Variants in RYR1 observed in about 807,000 individuals in gnomAD.
The protein encoded by RYR1 is central core disease of muscle.
A neutral mutation model predicts 583.5 loss-of-function variants in RYR1; 342 were observed. The observed-to-expected ratio is 0.59, with a 90% CI of 0.54 to 0.64. The LOEUF is 0.64. Ranked by LOEUF, RYR1 falls within the 30% of genes least tolerant of loss-of-function variation. The pLI is 0.00. For synonymous variants in RYR1, 2,791 were observed against 2,822.5 expected, an observed-to-expected ratio of 0.99 and a Z score of 0.35; for missense variants, 6,032 against 6,917.2, an observed-to-expected ratio of 0.87 and a Z score of 4.54.
intron 79 of RYR1, 113 bp downstream of exon 79, chr19:38,534,932 G>A: frequency 8.1e-7 from 1 of 1,236,496 alleles, no homozygotes; most frequent in Non-Finnish European, 1.2e-6. Flanking sequence ...CCTGTGGTTT[G>A]CACGCACACC....
chr19:38,502,273 G>A (rs1215865140), intron 47 of RYR1, among the ~76,000 whole-genome samples: 1 of 151,932 alleles, frequency 6.6e-6, no homozygotes, highest in Non-Finnish European at 1.5e-5. Flanking sequence ...TAATCTCATC[G>A]ACCAGTTGTG....
Position 38,535,925 on chromosome 19 carries a change from C to G in RYR1, c.11517-72C>G, listed in dbSNP as rs1340127863. ...CTCTCCAGGCTACCATGGTGGGGAGCTGCCAGGCCCTGGGAGAGAGGAGGG... is the reference window on the plus strand; with the variant it reads ...CTCTCCAGGCTACCATGGTGGGGAGGTGCCAGGCCCTGGGAGAGAGGAGGG... On this transcript the variant is annotated intron_variant, in intron 81 of 105. Transcript: ENST00000359596. 1.2e-5 allele frequency: 16 copies of G among 1,387,606 alleles called. No homozygotes were observed. In the African/African-American group the frequency reaches 1.8e-4, roughly 16 times the overall value. The allele number at this position is 1,387,606 out of a possible 1,614,324, so 86.0% of individuals were successfully genotyped here.
Position 38,517,563 on chromosome 19 carries a change from C to A in RYR1, c.9890C>A (p.Pro3297His). 1 of 1,613,834 alleles carries A rather than the reference C, an allele frequency of 6.2e-7. No individual in the cohort carries two copies. The highest frequency in any genetic ancestry group is 8.5e-7 in the Non-Finnish European group (1 of 1,179,856). Residue 3297 changes from proline to histidine, a missense_variant, in exon 66 of 106, where the codon CCC (proline) becomes CAC (histidine). Physicochemically the swap from Pro to His is moderately conservative, Grantham distance 77 (BLOSUM62 -2). Transcript: ENST00000359596. ...RGPEAPPSAL[P>H]AGAPPPCTAV... ...CCCGAGGCACCCCCTTCCGCCCTGC[C>A]CGCCGGCGCCCCCCCACCCTGCACA...
chr19:38,488,017 T>C (rs1338939139), intron 34 of RYR1, among the ~76,000 whole-genome samples: 1 of 152,102 alleles, frequency 6.6e-6, no homozygotes, highest in African/African-American at 2.4e-5. Flanking sequence ...AGTGGTATGA[T>C]TGTAGCCCAC....
chr19:38,574,789 T>C (rs1973881692), intron 96 of RYR1, among the ~76,000 whole-genome samples: 1 of 151,790 alleles, frequency 6.6e-6, no homozygotes, highest in Non-Finnish European at 1.5e-5. Context: ...TAATCAATCC[T>C]AGCACTTTGG....
In RYR1 at chr19:38,565,579, C is replaced by T. The variant is rs1973374458; in HGVS notation, c.13245C>T (p.Ala4415=). Residue 4415 remains alanine (A), a synonymous_variant, in exon 91 of 106, where the codon GCC becomes GCT. Coordinates refer to ENST00000359596, the MANE Select transcript of RYR1 (RefSeq NM_000540.3). The surrounding 1 kb of genome is among the most constrained non-coding windows in gnomAD (Gnocchi z 4.7). ...GEGASEGAGD[A]AEGAGDEEEA... ...GTGCCAGCGAGGGCGCTGGAGACGC[C>T]GCGGAGGGCGCTGGAGACGAGGAGG... is the stretch of plus-strand genomic sequence containing the variant. 4 of 1,467,988 alleles carry T rather than the reference C, an allele frequency of 2.7e-6. No homozygotes were observed. The highest frequency in any genetic ancestry group is 2.9e-5 in the East Asian group (1 of 34,188). The allele number at this position is 1,467,988 out of a possible 1,614,324, so 90.9% of individuals were successfully genotyped here.
Position 38,457,419 on chromosome 19 carries a change from T to C in RYR1, c.1792-78T>C, listed in dbSNP as rs1309155305. 5.0e-6 allele frequency: 8 copies of C among 1,608,142 alleles called. No individual in the cohort carries two copies. The Admixed American group carries it at 5.0e-5, about 10-fold the overall frequency. ...CGATGCGCTGTCCTTTCCTCCTGGCTTCCCTCCCTCCCAGGGTTCTTCTGT... is the reference window on the plus strand; with the variant it reads ...CGATGCGCTGTCCTTTCCTCCTGGCCTCCCTCCCTCCCAGGGTTCTTCTGT... On this transcript the variant is annotated intron_variant, in intron 16 of 105. Coordinates refer to ENST00000359596, the MANE Select transcript of RYR1 (RefSeq NM_000540.3).
chr19:38,551,025 CTTTTTTTTTTTTTTTTTTTTTTTTTTT>C (rs71165560), intron 89 of RYR1, among the ~76,000 whole-genome samples: 4 of 41,358 alleles, frequency 9.7e-5, no homozygotes, highest in East Asian at 8.4e-4. Context: ...GGATTCACGG[CTTTTTTTTTTTTTTTTTTTTTTTTTTT>C]TTTTTTTTTT....
Position 38,508,618 on chromosome 19 carries a change from G to A in RYR1, c.8932+791G>A, listed in dbSNP as rs1970588088. Among the ~76,000 whole-genome samples, 5 of 152,296 alleles carry A rather than the reference G, an allele frequency of 3.3e-5. No individual in the cohort carries two copies. In the South Asian group the frequency reaches 8.3e-4, roughly 25 times the overall value. Reference sequence around the variant, plus strand: ...GAGAGGAGCTGTGTGGACCTCTGGGGGCATCTGTTCCTTGCAGGCAAAGGA... The same window carrying A: ...GAGAGGAGCTGTGTGGACCTCTGGGAGCATCTGTTCCTTGCAGGCAAAGGA... On this transcript the variant is annotated intron_variant, in intron 58 of 105. Coordinates refer to ENST00000359596, the MANE Select transcript of RYR1 (RefSeq NM_000540.3).
chr19:38,457,963 G>C, intron 17 of RYR1, 88 bp from the exon 18 acceptor site: 1 of 1,345,280 alleles, frequency 7.4e-7, no homozygotes, highest in Non-Finnish European at 1.1e-6. Flanking sequence ...CTCTGTCTTT[G>C]GATGTCTGTC....
intron 91 of RYR1, 84 bp from the exon 92 acceptor site, chr19:38,566,827 G>A: frequency 3.2e-6 from 5 of 1,552,328 alleles, no homozygotes; most frequent in Non-Finnish European, 4.4e-6. Context: ...GGAAATAAGA[G>A]AGAAAGGAGA....
chr19:38,560,226 A>T (rs1290329669), intron 89 of RYR1, among the ~76,000 whole-genome samples: 1 of 152,122 alleles, frequency 6.6e-6, no homozygotes, highest in Non-Finnish European at 1.5e-5. Flanking sequence ...CACCAGGCAC[A>T]GTGGCATGCA....
chr19:38,563,376 T>C (rs767959471), intron 90 of RYR1, among the ~76,000 whole-genome samples: 3 of 152,236 alleles, frequency 2.0e-5, no homozygotes, highest in Non-Finnish European at 2.9e-5. Flanking sequence ...GCGGTTTTCC[T>C]GTCTCAGCCT....
intron 83 of RYR1, chr19:38,537,240 T>G (rs1231455291): frequency 4.4e-6 from 1 of 225,110 alleles, no homozygotes; most frequent in African/African-American, 2.4e-5. Flanking sequence ...CTGCCTCCTC[T>G]GCGCCTGCCT....
chr19:38,464,278 G>GAAAAAAAAA (rs547288253), intron 22 of RYR1, among the ~76,000 whole-genome samples: 10 of 64,244 alleles, frequency 1.6e-4, no homozygotes, highest in South Asian at 7.2e-4. Flanking sequence ...CACCGTTTCA[G>GAAAAAAAAA]AAAAAAAAAA....
rs78464864 is a variant in RYR1, at chr19:38,558,351, G to A, written c.12283-2762G>A. ...AAGTAAAACAACTAAAAGACTATAA[G>A]TAGACTGTAACACAAAGAAAGGATA... On this transcript the variant is annotated intron_variant, in intron 89 of 105. Coordinates refer to ENST00000359596, the MANE Select transcript of RYR1 (RefSeq NM_000540.3). Among the ~76,000 whole-genome samples, 144 of 152,242 alleles carry A rather than the reference G, an allele frequency of 9.5e-4. 1 individual carries two copies. In the East Asian group the frequency reaches 0.026, roughly 28 times the overall value.
At chr19:38,509,732 C>T (rs1163679897) in intron 58 of RYR1, among the ~76,000 whole-genome samples, 1 of 151,454 alleles carries the variant, frequency 6.6e-6, no homozygotes, top group Non-Finnish European at 1.5e-5. Flanking sequence ...GCTGGGATTA[C>T]AGGCGTGAGC....
At chr19:38,528,096 C>T in intron 73 of RYR1, 1 of 638,696 alleles carries the variant, frequency 1.6e-6, no homozygotes, top group Non-Finnish European at 2.8e-6. Flanking sequence ...GGCTCGTGGT[C>T]CTGGCTCTGT....
At chr19:38,523,541 A>G in intron 69 of RYR1, 2 of 590,276 alleles carry the variant, frequency 3.4e-6, no homozygotes, top group East Asian at 2.8e-5. Flanking sequence ...CTCTTCTCTC[A>G]TCTCTGTCTC....
Sources: gnomAD v4.1 joint callset for allele counts (sites outside exome capture counted in the v4.1 genomes callset) on GRCh38, gnomAD v4.1.1 for gene constraint, Gnocchi (gnomAD v3.1) non-coding constraint, MANE v1.5 for transcripts, NCBI Gene and HGNC (gene_info 2026-07-23, HGNC 2026-07-21) for gene names.